CACNA1G: variants seen among roughly 807,000 people sequenced by gnomAD.
CACNA1G encodes voltage-dependent T-type calcium channel subunit alpha-1G.
In CACNA1G, 67 loss-of-function variants were observed where a neutral mutation model predicts 219.4. That is an observed-to-expected ratio of 0.31 (90% CI 0.25 to 0.37). The LOEUF is 0.37. CACNA1G is among the 10% of genes least tolerant of loss of function. The probability of loss-of-function intolerance (pLI) is 1.00; values close to 1 mark genes in which losing one functional copy is unlikely to be tolerated. For missense variants in CACNA1G, 2,380 were observed against 3,231.4 expected (o/e 0.74, Z 6.39); for synonymous variants, 1,296 against 1,345.3 (o/e 0.96, Z 0.80).
intron 25 of CACNA1G, 153 bp downstream of exon 25, chr17:50,608,172 C>T (rs957054235): frequency 5.9e-6 from 4 of 683,282 alleles, no homozygotes; most frequent in Non-Finnish European, 7.5e-6. Flanking sequence ...TCCCCAAGAG[C>T]ATGTCTGCCT....
In CACNA1G at chr17:50,605,766, G is replaced by T. The variant is rs151166685; in HGVS notation, c.4297-132G>T. Reference sequence around the variant, plus strand: ...ACTCTTGTCAGTGTTTCCCTGACTTGACTGGCCCCAGAGCAGAGCACCCCA... The same window carrying T: ...ACTCTTGTCAGTGTTTCCCTGACTTTACTGGCCCCAGAGCAGAGCACCCCA... On this transcript the variant is annotated intron_variant, in intron 22 of 37. Coordinates refer to ENST00000359106, the MANE Select transcript of CACNA1G (RefSeq NM_018896.5). 1.7e-5 allele frequency: 15 copies of T among 892,888 alleles called. No individual in the cohort carries two copies. In the East Asian group the frequency reaches 3.7e-4, roughly 22 times the overall value. The allele number at this position is 892,888 out of a possible 1,614,324, so 55.3% of individuals were successfully genotyped here.
rs892418589 is a variant in CACNA1G at position 50,561,504 on chromosome 17, G to A, written c.45G>A (p.Gln15=). Residue 15 remains glutamine, a synonymous_variant, in exon 1 of 38, where the codon CAG becomes CAA. Transcript: ENST00000359106. ...EDGAGAEESG[Q]PRSFMRLNDL... Reference sequence around the variant, plus strand: ...GAGCGGGCGCCGAGGAGTCGGGACAGCCCCGGAGCTTCATGCGGCTCAACG... The same window carrying A: ...GAGCGGGCGCCGAGGAGTCGGGACAACCCCGGAGCTTCATGCGGCTCAACG... The A allele has an allele frequency of 7.2e-6, 11 of 1,536,160 alleles. No individual in the cohort carries two copies. Among genetic ancestry groups the A allele is most frequent in the Non-Finnish European group, 9.6e-6 (11 of 1,146,548 alleles).
At chr17:50,563,416 C>T (rs1457859962) in intron 1 of CACNA1G, 4 of 152,176 alleles carry the variant, frequency 2.6e-5, no homozygotes, top group African/African-American at 7.2e-5. Flanking sequence ...GGATGGGTTC[C>T]GAGCAACTCT....
At position 50,571,117 on chromosome 17, in the gene CACNA1G, G is replaced by A. The variant is rs2039346006; in HGVS notation, c.587-761G>A. On this transcript the variant is annotated intron_variant, in intron 4 of 37. Coordinates refer to ENST00000359106, the MANE Select transcript of CACNA1G (RefSeq NM_018896.5). This position sits in a 1 kb window ranked among gnomAD's most constrained non-coding sequence, Gnocchi z 4.3. ...GGCTTTTGAGGAGGGGGTTTCAGTG[G>A]CTTTCCCTATGGAGGGGGTTGTAAA... is the stretch of plus-strand genomic sequence containing the variant. Among the ~76,000 whole-genome samples the A allele has an allele frequency of 1.3e-5, 2 of 152,166 alleles. No homozygotes were observed. Among genetic ancestry groups the A allele is most frequent in the Admixed American group, 6.5e-5 (1 of 15,288 alleles).
intron 3 of CACNA1G, 140 bp downstream of exon 3, chr17:50,569,438 G>T: frequency 1.1e-6 from 1 of 916,376 alleles, no homozygotes; most frequent in East Asian, 2.5e-5. Flanking sequence ...AGGGTCTGAG[G>T]CTGCCCTGCC....
At chr17:50,614,971 G>A (rs765999321) in intron 26 of CACNA1G, among the ~76,000 whole-genome samples, 88 of 152,224 alleles carry the variant, frequency 5.8e-4, no homozygotes, top group Admixed American at 9.8e-4. Context: ...CGTTGATGGC[G>A]CGTCCTCTGA....
At chr17:50,590,285 CCCCTG>C (rs2145451429) in intron 9 of CACNA1G, among the ~76,000 whole-genome samples, 181 bp from the exon 10 acceptor site, 1 of 152,220 alleles carries the variant, frequency 6.6e-6, no homozygotes, top group Non-Finnish European at 1.5e-5. Flanking sequence ...GGGGCCCCTG[CCCCTG>C]GGTGCATTTC....
chr17:50,564,164 T>TGTGTGTGTGTGTGTC (rs2036965910), intron 1 of CACNA1G, among the ~76,000 whole-genome samples: 1 of 81,374 alleles, frequency 1.2e-5, no homozygotes, highest in African/African-American at 1.0e-4. Flanking sequence ...GTGTGTGTGT[T>TGTGTGTGTGTGTGTC]GCAAGGGAGG....
At chr17:50,593,771 G>C (rs1423712797) in intron 13 of CACNA1G, among the ~76,000 whole-genome samples, 3 of 152,208 alleles carry the variant, frequency 2.0e-5, no homozygotes, top group African/African-American at 4.8e-5. Flanking sequence ...GGGTGGGATG[G>C]AGAAAGGACT....
At position 50,599,552 on chromosome 17, in the gene CACNA1G, G is replaced by A. The variant is rs778481197; in HGVS notation, c.3383G>A (p.Arg1128Gln). The A allele has an allele frequency of 1.1e-5, 18 of 1,612,468 alleles. No individual in the cohort carries two copies. Among genetic ancestry groups the A allele is most frequent in the South Asian group, 5.5e-5 (5 of 90,848 alleles). Reference protein sequence around the residue: ...SLKRRSPSGERRSLLSGEGQE... With the variant: ...SLKRRSPSGEQRSLLSGEGQE... ...AAGCGGAGAAGCCCAAGTGGAGAGC[G>A]GCGGTCCCTGTTGTCGGGAGAAGGC... The change falls in exon 17 of 38, where the codon CGG becomes CAG. Residue 1128 changes from arginine (R) to glutamine (Q), a missense_variant. Transcript: ENST00000359106.
rs1188846168 is a variant in CACNA1G at position 50,578,385 on chromosome 17, C to G, written c.2122C>G (p.Pro708Ala). 3 of 1,613,350 alleles carry G rather than the reference C, an allele frequency of 1.9e-6. No homozygotes were observed. The highest frequency in any genetic ancestry group is 2.5e-6 in the Non-Finnish European group (3 of 1,179,846). ...TGCCCAGCACAGCGACCTCCGGGAC[C>G]CCCACAGCCGGCGGCAACGGAGCCT... ...QDAQHSDLRD[P>A]HSRRQRSLGP... The change falls in exon 9 of 38, where the codon CCC becomes GCC. Residue 708 changes from proline (P) to alanine (A), a missense_variant. Pro to Ala is a conservative substitution (Grantham distance 27). This residue lies in a region of CACNA1G where 434 missense variants were observed against 417.3 expected (regional missense o/e 1.04). Coordinates refer to ENST00000359106, the MANE Select transcript of CACNA1G (RefSeq NM_018896.5). This position sits in a 1 kb window ranked among gnomAD's most constrained non-coding sequence, Gnocchi z 4.5.
chr17:50,619,386 C>T lies in CACNA1G; in HGVS notation c.5782-297C>T, dbSNP rs139868492. On this transcript the variant is annotated intron_variant, in intron 33 of 37. Coordinates refer to ENST00000359106, the MANE Select transcript of CACNA1G (RefSeq NM_018896.5). ...CCTGCCTGATTCTCTTCCATCTCTC[C>T]ATCCTTTTATCTTCTCTTTACCGCT... is the stretch of plus-strand genomic sequence containing the variant. Among the ~76,000 whole-genome samples the T allele has an allele frequency of 5.4e-3, 828 of 152,214 alleles. 6 individuals carry two copies. The highest frequency in any genetic ancestry group is 0.02 in the African/African-American group (814 of 41,528).
At chr17:50,568,464 T>A (rs948119197) in intron 1 of CACNA1G, among the ~76,000 whole-genome samples, 3 of 152,252 alleles carry the variant, frequency 2.0e-5, no homozygotes, top group African/African-American at 4.8e-5. Context: ...TAGGTTTGTA[T>A]AACACATTCA....
chr17:50,578,670 A>G lies in CACNA1G; in HGVS notation c.2301+106A>G. The G allele has an allele frequency of 4.3e-6, 5 of 1,164,306 alleles. No homozygotes were observed. The highest frequency in any genetic ancestry group is 5.9e-6 in the Non-Finnish European group (5 of 845,432). The allele number at this position is 1,164,306 out of a possible 1,614,324, so 72.1% of individuals were successfully genotyped here. On this transcript the variant is annotated intron_variant, in intron 9 of 37. Coordinates refer to ENST00000359106, the MANE Select transcript of CACNA1G (RefSeq NM_018896.5). The surrounding 1 kb of genome is among the most constrained non-coding windows in gnomAD (Gnocchi z 4.5). Reference sequence around the variant, plus strand: ...TCCTCCTGAGCTCAGCTTCCTCTCCATGCTGCTAGCCCACCTGGCAGGTAG... The same window carrying G: ...TCCTCCTGAGCTCAGCTTCCTCTCCGTGCTGCTAGCCCACCTGGCAGGTAG...
intron 35 of CACNA1G, among the ~76,000 whole-genome samples, chr17:50,623,166 G>T (rs992210846): frequency 3.6e-5 from 5 of 137,046 alleles, no homozygotes; most frequent in African/African-American, 8.4e-5. Flanking sequence ...TATGATCCCA[G>T]CTCACTATAG....
chr17:50,599,365 G>A (rs2046164161), intron 16 of CACNA1G, 63 bp from the exon 17 acceptor site: 1 of 1,390,402 alleles, frequency 7.2e-7, no homozygotes, highest in African/African-American at 1.4e-5. Flanking sequence ...GAGACCGGGT[G>A]CACATGAGAG....
At chr17:50,595,495 C>A (rs1253533042) in intron 14 of CACNA1G, among the ~76,000 whole-genome samples, 4 of 152,248 alleles carry the variant, frequency 2.6e-5, no homozygotes, top group African/African-American at 4.8e-5. Context: ...TTGCCCCAGG[C>A]CCCTGTTGGA....
chr17:50,576,873 C>A (rs1271036321), intron 8 of CACNA1G, among the ~76,000 whole-genome samples: 2 of 152,224 alleles, frequency 1.3e-5, no homozygotes, highest in Non-Finnish European at 1.5e-5. Flanking sequence ...ACCTGAGTCT[C>A]ATTGCCTCCG....
rs548001440 is a variant in CACNA1G at position 50,593,312 on chromosome 17, G to A, written c.2910+1220G>A. On this transcript the variant is annotated intron_variant, in intron 13 of 37. Coordinates refer to ENST00000359106, the MANE Select transcript of CACNA1G (RefSeq NM_018896.5). ...AGAGGAGGAGCTGAGTGAGGACCGGGCCCCCTGGCCCCTTCTGAAGGCAGC... is the reference window on the plus strand; with the variant it reads ...AGAGGAGGAGCTGAGTGAGGACCGGACCCCCTGGCCCCTTCTGAAGGCAGC... Among the ~76,000 whole-genome samples the A allele has an allele frequency of 9.2e-5, 14 of 152,324 alleles. 1 individual carries two copies. The East Asian group carries it at 2.7e-3, about 29-fold the overall frequency.
Sources: allele counts gnomAD v4.1 joint callset (sites outside exome capture counted in the v4.1 genomes callset), GRCh38; gene constraint gnomAD v4.1.1; regional missense constraint gnomAD v4.1.1; non-coding constraint Gnocchi (gnomAD v3.1); transcripts MANE v1.5; gene names NCBI Gene and HGNC (gene_info 2026-07-23, HGNC 2026-07-21).